The following ZNF469 variants were observed in gnomAD, a reference collection of about 807,000 sequenced individuals.
ZNF469 encodes the protein zinc finger protein 469.
Under a neutral mutation model 1.0 loss-of-function variants are expected in ZNF469, and 1 was observed. The observed-to-expected ratio is 1.00, with a 90% CI of 0.35 to 4.73. The LOEUF is 4.73. Ranked by LOEUF, ZNF469 falls within the 30% of genes most tolerant of loss-of-function variation. ZNF469 has a pLI of 0.16. For missense variants in ZNF469, 6,100 were observed against 5,356.3 expected, an observed-to-expected ratio of 1.14 and a Z score of -4.33; for synonymous variants, 2,703 against 2,363.4, an observed-to-expected ratio of 1.14 and a Z score of -4.17.
the ZNF469 span, among the ~76,000 whole-genome samples, chr16:88,337,929 T>G: frequency 2.0e-5 from 3 of 152,248 alleles, no homozygotes; most frequent in Non-Finnish European, 4.4e-5. Flanking sequence ...TCTCCTGCTT[T>G]GTGACCTGCC....
the ZNF469 span, among the ~76,000 whole-genome samples, chr16:88,208,793 ACACACACACACTCT>A: frequency 5.2e-5 from 2 of 38,774 alleles, no homozygotes; most frequent in East Asian, 2.1e-3. Context: ...ACACACACAC[ACACACACACACTCT>A]CTCTCTCTCT....
At chr16:88,286,940 A>C in the ZNF469 span, among the ~76,000 whole-genome samples, 1 of 152,066 alleles carries the variant, frequency 6.6e-6, no homozygotes, top group Non-Finnish European at 1.5e-5. Context: ...CATCAGGGGG[A>C]GTGTGTATGA....
At chr16:88,399,301 C>A (rs1486171170) in intron 1 of ZNF469, among the ~76,000 whole-genome samples, 1 of 152,368 alleles carries the variant, frequency 6.6e-6, no homozygotes, top group South Asian at 2.1e-4. Flanking sequence ...ATGATCAAAG[C>A]AAGTCCGGGG....
upstream of ZNF469, among the ~76,000 whole-genome samples, chr16:88,381,195 T>C (rs1383265480): frequency 1.2e-3 from 56 of 48,582 alleles, no homozygotes; most frequent in African/African-American, 6.9e-3. Context: ...CTCACACACA[T>C]GCATTCACAG....
chr16:88,424,155 G>T lies in ZNF469; in HGVS notation c.-191-652G>T, dbSNP rs577569609. On this transcript the variant is annotated intron_variant, in intron 1 of 2. Transcript: ENST00000565624. The surrounding 1 kb of genome is among the most constrained non-coding windows in gnomAD (Gnocchi z 4.3). ...AGGGCCGAATGCAGGCAGCAGCCCA[G>T]TGTCCATCCAGACAGGTCTGGGTGC... 6.6e-6 allele frequency among the ~76,000 whole-genome samples: 1 copy of T among 152,376 alleles called. No homozygotes were observed. The highest frequency in any genetic ancestry group is 2.4e-5 in the African/African-American group (1 of 41,590).
the ZNF469 span, among the ~76,000 whole-genome samples, chr16:88,307,728 G>T: frequency 2.0e-5 from 3 of 152,276 alleles, no homozygotes; most frequent in Middle Eastern, 3.4e-3. Context: ...TTCTTTATGT[G>T]TTCTACAGCC....
chr16:88,151,859 A>G, the ZNF469 span, among the ~76,000 whole-genome samples: 1 of 152,240 alleles, frequency 6.6e-6, no homozygotes, highest in South Asian at 2.1e-4. The surrounding 1 kb of genome is among the most constrained non-coding windows in gnomAD (Gnocchi z 5.4). Flanking sequence ...CCCCGCATTC[A>G]TCACAGCAAA....
In ZNF469 at chr16:88,434,132, C is replaced by T. The variant is rs1448266352; in HGVS notation, c.6662C>T (p.Pro2221Leu). 1.9e-6 allele frequency: 3 copies of T among 1,550,316 alleles called. No individual in the cohort carries two copies. Among genetic ancestry groups the T allele is most frequent in the Admixed American group, 2.0e-5 (1 of 51,012 alleles). Residue 2221 changes from proline (P) to leucine (L), a missense_variant, in exon 3 of 3, where the codon CCC becomes CTC. Pro to Leu is a moderately conservative substitution (Grantham distance 98). Transcript: ENST00000565624. ...TGCCTTCTCCAGGGGGAGGGCAGCC[C>T]CCTGGAAGACCCTTCCTCCTGGCCT... ...AGCLLQGEGS[P>L]LEDPSSWPPG...
At chr16:88,348,382 C>G in the ZNF469 span, among the ~76,000 whole-genome samples, 100 of 152,312 alleles carry the variant, frequency 6.6e-4, no homozygotes, top group South Asian at 2.1e-3. Context: ...GGCCCCACCC[C>G]ACTCCTGTGC....
the ZNF469 span, among the ~76,000 whole-genome samples, chr16:88,272,092 T>A: frequency 2.0e-5 from 3 of 151,018 alleles, no homozygotes. Flanking sequence ...GGTGGATGGA[T>A]GAATAGATGA....
At chr16:88,296,762 C>T in the ZNF469 span, among the ~76,000 whole-genome samples, 2 of 152,116 alleles carry the variant, frequency 1.3e-5, no homozygotes, top group Admixed American at 6.5e-5. Context: ...GGTGCACATA[C>T]ATGCACACAC....
chr16:88,163,876 A>G, the ZNF469 span, among the ~76,000 whole-genome samples: 1 of 144,250 alleles, frequency 6.9e-6, no homozygotes. Context: ...AGGTAAGTGG[A>G]TGAATGGATG....
the ZNF469 span, among the ~76,000 whole-genome samples, chr16:88,200,109 G>A: frequency 1.4e-5 from 2 of 138,632 alleles, no homozygotes; most frequent in African/African-American, 5.2e-5. Context: ...GGTGACGGGA[G>A]GAGTGCCCGG....
chr16:88,185,455 C>G, the ZNF469 span, among the ~76,000 whole-genome samples: 1 of 149,368 alleles, frequency 6.7e-6, no homozygotes, highest in African/African-American at 2.5e-5. Flanking sequence ...CACTTGTGTG[C>G]CCAGACCCAC....
chr16:88,197,801 G>A, the ZNF469 span, among the ~76,000 whole-genome samples: 58,655 of 152,156 alleles, frequency 0.39, 13,173 homozygotes, highest in South Asian at 0.55. Flanking sequence ...GTGGGAGGCC[G>A]TGGGCATCTG....
chr16:88,375,147 A>G, the ZNF469 span, among the ~76,000 whole-genome samples: 444 of 152,348 alleles, frequency 2.9e-3, 4 homozygotes, highest in African/African-American at 0.01. Context: ...AGAATTCATG[A>G]CCAGCGTGGA....
the ZNF469 span, among the ~76,000 whole-genome samples, chr16:88,341,221 G>A: frequency 6.6e-6 from 1 of 152,298 alleles, no homozygotes; most frequent in African/African-American, 2.4e-5. Flanking sequence ...CCAGGTCTTG[G>A]GGTGTCCCTG....
At chr16:88,228,383 G>C in the ZNF469 span, among the ~76,000 whole-genome samples, 2 of 152,226 alleles carry the variant, frequency 1.3e-5, no homozygotes, top group African/African-American at 4.8e-5. Context: ...GTGTGTCCTG[G>C]GGCCTTGCCT....
At chr16:88,197,003 G>C in the ZNF469 span, among the ~76,000 whole-genome samples, 1 of 152,214 alleles carries the variant, frequency 6.6e-6, no homozygotes, top group Non-Finnish European at 1.5e-5. Context: ...GGGCTCCCCA[G>C]AGCATGACTG....
Sources: allele counts gnomAD v4.1 joint callset (sites outside exome capture counted in the v4.1 genomes callset), GRCh38; gene constraint gnomAD v4.1.1; non-coding constraint Gnocchi (gnomAD v3.1); transcripts MANE v1.5; gene names NCBI Gene and HGNC (gene_info 2026-07-23, HGNC 2026-07-21).